The following RAB5C variants were observed in gnomAD, a reference collection of about 807,000 sequenced individuals.
The protein encoded by RAB5C is RAB5C, member RAS oncogene family, also known as ras-related protein Rab-5C.
In RAB5C, 4 loss-of-function variants were observed where a neutral mutation model predicts 25.2. The ratio of observed to expected loss-of-function variants is 0.16; its 90% CI spans 0.08 to 0.36. RAB5C has a LOEUF of 0.36. Among genes scored for constraint, RAB5C ranks in the 10% least tolerant of loss-of-function variants. The pLI, the probability that RAB5C is intolerant of heterozygous loss-of-function variation, is 1.00. For synonymous variants in RAB5C, 100 were observed against 106.4 expected (o/e 0.94, Z 0.37); for missense variants, 199 against 283.8 (o/e 0.70, Z 2.15).
chr17:42,144,408 G>C (rs2079619816), intron 1 of RAB5C, among the ~76,000 whole-genome samples: 1 of 152,162 alleles, frequency 6.6e-6, no homozygotes, highest in Non-Finnish European at 1.5e-5. Flanking sequence ...AGTGAGCCAA[G>C]ATCGCACCAC....
intron 5 of RAB5C, among the ~76,000 whole-genome samples, chr17:42,126,216 T>C (rs1277123999): frequency 6.6e-6 from 1 of 152,080 alleles, no homozygotes; most frequent in African/African-American, 2.4e-5. Flanking sequence ...GGTGGCAGGC[T>C]ACAGGCTCAG....
At position 42,125,747 on chromosome 17, in the gene RAB5C, C is replaced by T. The variant is rs782698188; in HGVS notation, c.*36G>A. ...GTGGATTCCAGTCGGGTCATTCAGG[C>T]GGAGGAGGCGGGGGCAGCGGGCAGG... On this transcript the variant is annotated 3_prime_UTR_variant, in exon 6 of 6. Coordinates refer to ENST00000346213, the MANE Select transcript of RAB5C (RefSeq NM_004583.4). 5.1e-5 allele frequency: 75 copies of T among 1,461,178 alleles called. 1 individual carries two copies. The South Asian group carries it at 5.3e-4, about 10-fold the overall frequency. 90.5% of individuals were successfully genotyped at this position (1,461,178 alleles called of 1,614,324 possible).
chr17:42,130,696 G>T, intron 1 of RAB5C, 106 bp from the exon 2 acceptor site: 1 of 1,378,168 alleles, frequency 7.3e-7, no homozygotes, highest in South Asian at 1.5e-5. Flanking sequence ...AGACCTAGCT[G>T]ACTGCTTCCC....
intron 1 of RAB5C, chr17:42,136,621 G>A (rs1160975062): frequency 6.6e-6 from 1 of 152,222 alleles, no homozygotes; most frequent in Non-Finnish European, 1.5e-5. Context: ...CAGATCAAGT[G>A]AAACAATGCA....
rs776867949 is a variant in RAB5C, at chr17:42,126,735, G to A, written c.535+20C>T. On this transcript the variant is annotated intron_variant, in intron 5 of 5. Transcript: ENST00000346213. ...TGCCCTTGCTGTGGTGGAGAGAGGA[G>A]GGGAGGAGAAGCAACTGACCTATTG... The A allele has an allele frequency of 3.8e-6, 6 of 1,565,056 alleles. No individual in the cohort carries two copies. The highest frequency in any genetic ancestry group is 5.3e-6 in the Non-Finnish European group (6 of 1,136,514).
chr17:42,131,858 A>G (rs1485806300), intron 1 of RAB5C: 4 of 474,346 alleles, frequency 8.4e-6, no homozygotes, highest in African/African-American at 5.9e-5. Context: ...TCAGACATAT[A>G]CATCTGATGT....
intron 2 of RAB5C, among the ~76,000 whole-genome samples, chr17:42,129,151 C>A (rs539497402): frequency 3.9e-4 from 59 of 152,072 alleles, no homozygotes; most frequent in African/African-American, 1.4e-3. Context: ...GAAGGGTGAG[C>A]GCCCTCAGAC....
At chr17:42,130,915 G>A (rs993762018) in intron 1 of RAB5C, among the ~76,000 whole-genome samples, 2 of 152,132 alleles carry the variant, frequency 1.3e-5, no homozygotes, top group African/African-American at 2.4e-5. Flanking sequence ...ATGAATGAAT[G>A]TGTGACAGCC....
At position 42,125,853 on chromosome 17, in the gene RAB5C, G is replaced by A; in HGVS notation, c.581C>T (p.Pro194Leu). The A allele has an allele frequency of 1.2e-6, 2 of 1,612,066 alleles. No individual in the cohort carries two copies. Among genetic ancestry groups the A allele is most frequent in the South Asian group, 1.1e-5 (1 of 90,408 alleles). Residue 194 changes from proline to leucine, a missense_variant, in exon 6 of 6, where the codon CCA becomes CTA. Pro to Leu is a moderately conservative substitution (Grantham distance 98, BLOSUM62 -3). Transcript: ENST00000346213. Reference protein sequence around the residue: ...KNEPQNATGAPGRNRGVDLQE... With the variant: ...KNEPQNATGALGRNRGVDLQE... ...GAGGTCCACACCTCGGTTTCGGCCT[G>A]GAGCACCAGTTGCATTCTGGGGCTC...
intron 1 of RAB5C, among the ~76,000 whole-genome samples, chr17:42,137,273 T>A (rs1472298042): frequency 7.6e-5 from 11 of 145,466 alleles, no homozygotes; most frequent in African/African-American, 2.8e-4. Context: ...ACCATTGCAC[T>A]CCAGCCTGGA....
intron 1 of RAB5C, among the ~76,000 whole-genome samples, chr17:42,148,897 A>C (rs1193699539): frequency 1.3e-5 from 2 of 152,186 alleles, no homozygotes; most frequent in Non-Finnish European, 2.9e-5. Flanking sequence ...CATGGGGATT[A>C]AACACAGAAC....
chr17:42,132,683 A>G (rs758934167), intron 1 of RAB5C, among the ~76,000 whole-genome samples: 76 of 150,838 alleles, frequency 5.0e-4, no homozygotes, highest in Non-Finnish European at 9.7e-4. Context: ...GCTAATTAAA[A>G]TTTTCTTTCT....
intron 1 of RAB5C, among the ~76,000 whole-genome samples, chr17:42,141,558 C>G (rs2079603538): frequency 6.6e-6 from 1 of 152,168 alleles, no homozygotes; most frequent in Non-Finnish European, 1.5e-5. Context: ...GGTCCCCTAA[C>G]AGAGCCACAG....
intron 1 of RAB5C, among the ~76,000 whole-genome samples, chr17:42,153,131 G>A (rs2079682678): frequency 6.6e-6 from 1 of 152,126 alleles, no homozygotes; most frequent in African/African-American, 2.4e-5. Flanking sequence ...AGTGAAATAA[G>A]TAGGCCGGGC....
chr17:42,125,030 G>A lies in RAB5C; in HGVS notation c.*753C>T, dbSNP rs1249671908. On this transcript the variant is annotated 3_prime_UTR_variant, in exon 6 of 6. Coordinates refer to ENST00000346213, the MANE Select transcript of RAB5C (RefSeq NM_004583.4). ...TTGACAAGATACTGATTGGTTACAT[G>A]TTGAAGAAAACATACAATACAAAAT... is the stretch of plus-strand genomic sequence containing the variant. The A allele has an allele frequency of 6.5e-6, 1 of 152,764 alleles. No individual in the cohort carries two copies. The highest frequency in any genetic ancestry group is 2.4e-5 in the African/African-American group (1 of 41,434). The allele number at this position is 152,764 out of a possible 1,614,324, so 9.5% of individuals were successfully genotyped here.
At chr17:42,125,987 A>G in intron 5 of RAB5C, 89 bp from the exon 6 acceptor site, 1 of 939,228 alleles carries the variant, frequency 1.1e-6, no homozygotes, top group Non-Finnish European at 1.7e-6. Flanking sequence ...TTTATACCCA[A>G]TCAGTGGTAA....
intron 1 of RAB5C, among the ~76,000 whole-genome samples, chr17:42,144,904 C>CTGGA (rs2079623427): frequency 1.1e-5 from 1 of 90,166 alleles, no homozygotes. Flanking sequence ...CCAGCCTGGG[C>CTGGA]GACAGAGCCA....
rs141675796 is a variant in RAB5C at position 42,146,979 on chromosome 17, G to A, written c.-89+7914C>T. Reference sequence around the variant, plus strand: ...CGTACCACTGCACTCCAGCCTGGGCGACAAGGCAAGACTTCGTCAAGAAAG... The same window carrying A: ...CGTACCACTGCACTCCAGCCTGGGCAACAAGGCAAGACTTCGTCAAGAAAG... On this transcript the variant is annotated intron_variant, in intron 1 of 5. Transcript: ENST00000346213. Among the ~76,000 whole-genome samples the A allele has an allele frequency of 2.2e-3, 339 of 150,928 alleles. 1 individual carries two copies. The highest frequency in any genetic ancestry group is 4.0e-3 in the Non-Finnish European group (271 of 67,906).
rs113741264 is a variant in RAB5C at position 42,125,923 on chromosome 17, T to C, written c.536-25A>G. ...GCTGTTTGGGAGGGGGAAAAGTGCA[T>C]TTGTTGGGGGTACCCCAATAACTCT... On this transcript the variant is annotated intron_variant, in intron 5 of 5. Transcript: ENST00000346213. 3,566 of 1,545,126 alleles carry C rather than the reference T, an allele frequency of 2.3e-3. 74 individuals carry two copies. In the African/African-American group the frequency reaches 0.042, roughly 18 times the overall value.
Sources: gnomAD v4.1 joint callset for allele counts (sites outside exome capture counted in the v4.1 genomes callset) on GRCh38, gnomAD v4.1.1 for gene constraint, MANE v1.5 for transcripts, NCBI Gene and HGNC (gene_info 2026-07-23, HGNC 2026-07-21) for gene names.